The following C12orf42 variants were observed in gnomAD, a reference collection of about 807,000 sequenced individuals.
The protein encoded by C12orf42 is chromosome 12 open reading frame 42, also known as uncharacterized protein C12orf42.
Under a neutral mutation model 21.6 loss-of-function variants are expected in C12orf42, and 25 were observed. That is an observed-to-expected ratio of 1.16 (90% CI 0.84 to 1.62). The LOEUF is 1.62. C12orf42 is among the 40% of genes most tolerant of loss of function. The pLI is 0.00. For missense variants in C12orf42, 483 were observed against 459.3 expected (o/e 1.05, Z -0.47); for synonymous variants, 174 against 175.0 (o/e 0.99, Z 0.05).
chr12:103,408,063 T>C (rs2048556701), intron 2 of C12orf42, among the ~76,000 whole-genome samples: 1 of 152,200 alleles, frequency 6.6e-6, no homozygotes, highest in South Asian at 2.1e-4. Context: ...AGTCTAGCCA[T>C]TAAATGCACC....
chr12:103,177,693 C>T, the C12orf42 span, among the ~76,000 whole-genome samples: 1 of 152,156 alleles, frequency 6.6e-6, no homozygotes, highest in Non-Finnish European at 1.5e-5. Context: ...TTAAATTCAT[C>T]ACATAATTTA....
the C12orf42 span, among the ~76,000 whole-genome samples, chr12:103,528,264 G>T: frequency 6.6e-6 from 1 of 152,220 alleles, no homozygotes; most frequent in East Asian, 1.9e-4. Flanking sequence ...AAAAAATTGA[G>T]AAAGCAACAG....
the C12orf42 span, among the ~76,000 whole-genome samples, chr12:103,148,102 T>C: frequency 6.6e-6 from 1 of 152,118 alleles, no homozygotes; most frequent in Non-Finnish European, 1.5e-5. Flanking sequence ...ATAAGTCAGA[T>C]GGAAAAATGA....
the C12orf42 span, among the ~76,000 whole-genome samples, chr12:103,170,038 G>A: frequency 6.6e-6 from 1 of 152,132 alleles, no homozygotes; most frequent in Non-Finnish European, 1.5e-5. Flanking sequence ...GGAAAGTCAA[G>A]AAGCTAAAAG....
the C12orf42 span, among the ~76,000 whole-genome samples, chr12:103,116,366 C>T: frequency 1.2e-4 from 14 of 113,362 alleles, no homozygotes; most frequent in South Asian, 3.8e-3. Flanking sequence ...CTCCATCTCA[C>T]CAAGAAAAAA....
rs577884212 is a variant in C12orf42, at chr12:103,355,257, C to T, written c.259+13630G>A. Among the ~76,000 whole-genome samples the T allele has an allele frequency of 3.3e-5, 5 of 152,174 alleles. No individual in the cohort carries two copies. In the South Asian group the frequency reaches 1.0e-3, roughly 32 times the overall value. On this transcript the variant is annotated intron_variant, in intron 4 of 5. Transcript: ENST00000548883. Reference sequence around the variant, plus strand: ...AATCTGTGGTCTGTGGCATAATCTGCTTATGAGCAGTCTTACCATATGGAT... The same window carrying T: ...AATCTGTGGTCTGTGGCATAATCTGTTTATGAGCAGTCTTACCATATGGAT...
chr12:103,474,456 G>GTATGTATGTA (rs370220232), intron 2 of C12orf42, among the ~76,000 whole-genome samples: 2 of 144,334 alleles, frequency 1.4e-5, no homozygotes, highest in Non-Finnish European at 3.1e-5. Context: ...ATGTATGTAT[G>GTATGTATGTA]TGTGTGTGTG....
the C12orf42 span, among the ~76,000 whole-genome samples, chr12:103,167,086 A>T: frequency 6.6e-6 from 1 of 152,128 alleles, no homozygotes; most frequent in Non-Finnish European, 1.5e-5. Context: ...GTCACATTAC[A>T]TCTCAGATTG....
the C12orf42 span, among the ~76,000 whole-genome samples, chr12:103,091,611 C>T: frequency 6.6e-6 from 1 of 152,140 alleles, no homozygotes; most frequent in Non-Finnish European, 1.5e-5. Flanking sequence ...AATCTGGAAA[C>T]TGGGATCATT....
At chr12:103,199,374 T>G in the C12orf42 span, among the ~76,000 whole-genome samples, 2 of 152,032 alleles carry the variant, frequency 1.3e-5, no homozygotes, top group Non-Finnish European at 2.9e-5. Context: ...TTCCTGAAAA[T>G]AAGCATAAGG....
At chr12:103,519,782 T>C in the C12orf42 span, among the ~76,000 whole-genome samples, 1 of 152,232 alleles carries the variant, frequency 6.6e-6, no homozygotes, top group Admixed American at 6.5e-5. Flanking sequence ...GCCACCCACA[T>C]ACATCTCCCC....
At chr12:103,218,618 C>T in the C12orf42 span, among the ~76,000 whole-genome samples, 1 of 152,110 alleles carries the variant, frequency 6.6e-6, no homozygotes, top group Non-Finnish European at 1.5e-5. Flanking sequence ...GCAGAGGTGT[C>T]TACTTTTTAT....
chr12:103,076,095 C>T, the C12orf42 span, among the ~76,000 whole-genome samples: 2 of 151,608 alleles, frequency 1.3e-5, no homozygotes, highest in African/African-American at 4.8e-5. Context: ...GGGGCTAGGG[C>T]GAGGGATAGT....
chr12:103,254,896 G>A (rs1278211315), intron 10 of C12orf42, among the ~76,000 whole-genome samples: 1 of 152,086 alleles, frequency 6.6e-6, no homozygotes, highest in Admixed American at 6.5e-5. Flanking sequence ...TGCACATCCT[G>A]CACGAGTACC....
chr12:103,272,212 A>C (rs1344781605), intron 5 of C12orf42, among the ~76,000 whole-genome samples: 1 of 152,180 alleles, frequency 6.6e-6, no homozygotes, highest in African/African-American at 2.4e-5. Flanking sequence ...CTCCTGGGGC[A>C]AAACATTGAC....
chr12:103,415,965 C>T (rs1037689507), intron 2 of C12orf42, among the ~76,000 whole-genome samples: 1 of 151,556 alleles, frequency 6.6e-6, no homozygotes, highest in Non-Finnish European at 1.5e-5. Flanking sequence ...TAGGTTTCCT[C>T]ATTCTTTTCA....
chr12:103,078,723 G>C, the C12orf42 span, among the ~76,000 whole-genome samples: 1 of 152,122 alleles, frequency 6.6e-6, no homozygotes, highest in East Asian at 1.9e-4. Context: ...TTGTTTGCAC[G>C]GTCTATTTTA....
At chr12:103,245,323 C>A (rs1301807565) in intron 10 of C12orf42, among the ~76,000 whole-genome samples, 1 of 152,010 alleles carries the variant, frequency 6.6e-6, no homozygotes, top group African/African-American at 2.4e-5. Context: ...CTTACCTGTA[C>A]AATGGTAATC....
intron 5 of C12orf42, among the ~76,000 whole-genome samples, chr12:103,271,372 A>G (rs2035463734): frequency 6.6e-6 from 1 of 152,180 alleles, no homozygotes; most frequent in African/African-American, 2.4e-5. Flanking sequence ...TTGAATTTCC[A>G]TATGTAGCTA....
Sources: allele counts gnomAD v4.1 joint callset (sites outside exome capture counted in the v4.1 genomes callset), GRCh38; gene constraint gnomAD v4.1.1; transcripts MANE v1.5; gene names NCBI Gene and HGNC (gene_info 2026-07-23, HGNC 2026-07-21).